The following MAP3K13 variants were observed in gnomAD, a reference collection of about 807,000 sequenced individuals.
The protein encoded by MAP3K13 is leucine zipper-bearing kinase.
Under a neutral mutation model 104.0 loss-of-function variants are expected in MAP3K13, and 52 were observed. That is an observed-to-expected ratio of 0.50 (90% CI 0.40 to 0.63). MAP3K13 has a LOEUF of 0.63. Among genes scored for constraint, MAP3K13 ranks in the 20% least tolerant of loss-of-function variants. The pLI is 0.00. For synonymous variants in MAP3K13, 394 were observed against 442.2 expected (o/e 0.89, Z 1.37); for missense variants, 914 against 1,218.5 (o/e 0.75, Z 3.72).
chr3:185,408,147 G>GA (rs1198773641), intron 1 of MAP3K13, among the ~76,000 whole-genome samples: 2 of 151,962 alleles, frequency 1.3e-5, no homozygotes, highest in South Asian at 2.1e-4. Flanking sequence ...AGTTTTACAG[G>GA]AAAAAAATCA....
rs144745393 is a variant in MAP3K13 at position 185,488,242 on chromosome 3, T to C, written c.*5786T>C. On this transcript the variant is annotated 3_prime_UTR_variant, in exon 14 of 14. Transcript: ENST00000265026. ...GTACGGTCAGTATGAATTTAGTGCCTTTCCAGGCAGCAAAATGTTTCTTCT... is the reference window on the plus strand; with the variant it reads ...GTACGGTCAGTATGAATTTAGTGCCCTTCCAGGCAGCAAAATGTTTCTTCT... The C allele has an allele frequency of 3.7e-4, 56 of 152,338 alleles. No homozygotes were observed. Among genetic ancestry groups the C allele is most frequent in the African/African-American group, 1.3e-3 (52 of 41,578 alleles). 9.4% of individuals were successfully genotyped at this position (152,338 alleles called of 1,614,324 possible).
At chr3:185,296,004 G>A (rs1001137294) in intron 2 of MAP3K13, among the ~76,000 whole-genome samples, 9 of 152,186 alleles carry the variant, frequency 5.9e-5, no homozygotes, top group African/African-American at 2.2e-4. Context: ...CACTTTCGGA[G>A]GCCAAGGCAG....
chr3:185,382,070 T>C (rs1724750476), intron 1 of MAP3K13, among the ~76,000 whole-genome samples: 2 of 152,174 alleles, frequency 1.3e-5, no homozygotes, highest in Admixed American at 6.5e-5. Flanking sequence ...TCCCCCCTTA[T>C]CCATAGGGGA....
chr3:185,356,716 G>T (rs1436777561), intron 2 of MAP3K13, among the ~76,000 whole-genome samples: 2 of 152,098 alleles, frequency 1.3e-5, no homozygotes, highest in Admixed American at 6.5e-5. Context: ...TAATTATTAC[G>T]ACCAGGGAGT....
At chr3:185,297,511 G>T (rs1047086460) in intron 2 of MAP3K13, among the ~76,000 whole-genome samples, 1 of 152,134 alleles carries the variant, frequency 6.6e-6, no homozygotes, top group Non-Finnish European at 1.5e-5. Flanking sequence ...AAGGCAGGCA[G>T]ATCACCTGAG....
intron 2 of MAP3K13, among the ~76,000 whole-genome samples, chr3:185,344,595 C>T (rs1189783221): frequency 4.6e-5 from 7 of 152,292 alleles, no homozygotes; most frequent in South Asian, 4.1e-4. Context: ...TAATCACTTC[C>T]GCCCCCCTTA....
At chr3:185,464,086 C>A (rs931844983) in intron 8 of MAP3K13, among the ~76,000 whole-genome samples, 1 of 152,172 alleles carries the variant, frequency 6.6e-6, no homozygotes, top group Non-Finnish European at 1.5e-5. Flanking sequence ...GAGTTTGAGA[C>A]CAGCCCGCCC....
At chr3:185,470,320 T>A (rs1001968805) in intron 10 of MAP3K13, among the ~76,000 whole-genome samples, 1 of 152,184 alleles carries the variant, frequency 6.6e-6, no homozygotes, top group Admixed American at 6.5e-5. Flanking sequence ...GTTCATCAGT[T>A]TAGAAACCAT....
chr3:185,389,545 G>A (rs1321181983), intron 1 of MAP3K13, among the ~76,000 whole-genome samples: 1 of 151,316 alleles, frequency 6.6e-6, no homozygotes, highest in Non-Finnish European at 1.5e-5. Flanking sequence ...TGATACCTGG[G>A]GGAAATTTTT....
At chr3:185,406,741 AT>A (rs554505536) in intron 1 of MAP3K13, among the ~76,000 whole-genome samples, 210 of 152,246 alleles carry the variant, frequency 1.4e-3, no homozygotes, top group Non-Finnish European at 2.7e-3. Flanking sequence ...GGATTTTGTG[AT>A]TTTTCCCATA....
chr3:185,428,914 C>A lies in MAP3K13; in HGVS notation c.333C>A (p.Ser111Arg), dbSNP rs3732577. ...ACACGGTGGACGGAGAGAGCACAAG[C>A]GGAACTGAAGACATAAAGATTCAGT... is the stretch of plus-strand genomic sequence containing the variant. ...NSNTVDGEST[S>R]GTEDIKIQFS... Residue 111 changes from serine to arginine, a missense_variant, in exon 2 of 14, where the codon AGC becomes AGA. Ser to Arg is a moderately radical substitution (Grantham distance 110). Transcript: ENST00000265026. The A allele has an allele frequency of 1.2e-6, 2 of 1,613,930 alleles. No homozygotes were observed. Among genetic ancestry groups the A allele is most frequent in the Non-Finnish European group, 1.7e-6 (2 of 1,179,994 alleles).
chr3:185,404,417 C>T (rs1274743506), intron 1 of MAP3K13, among the ~76,000 whole-genome samples: 1 of 152,092 alleles, frequency 6.6e-6, no homozygotes. Context: ...ATTCTGGGGG[C>T]AAATTGATGG....
At chr3:185,400,322 T>C (rs561085627) in intron 1 of MAP3K13, among the ~76,000 whole-genome samples, 187 of 152,342 alleles carry the variant, frequency 1.2e-3, no homozygotes, top group African/African-American at 4.4e-3. Context: ...TGGGGATTTT[T>C]CCCTTCTTTG....
chr3:185,458,118 C>T (rs1237095422), intron 7 of MAP3K13, among the ~76,000 whole-genome samples: 1 of 152,068 alleles, frequency 6.6e-6, no homozygotes, highest in African/African-American at 2.4e-5. Flanking sequence ...CCTGTAATCC[C>T]AGCACTTTGG....
In MAP3K13 at chr3:185,447,650, C is replaced by A. The variant is rs1715667434; in HGVS notation, c.852-139C>A. The stretch of plus-strand genomic sequence containing the variant: ...TGCTATTTCTAGTGTATAGCCAATG[C>A]CCCAGTGACATTGGAAACTGCAAGC... On this transcript the variant is annotated intron_variant, in intron 4 of 13. Coordinates refer to ENST00000265026, the MANE Select transcript of MAP3K13 (RefSeq NM_004721.5). 1.3e-5 allele frequency: 8 copies of A among 622,818 alleles called. No homozygotes were observed. In the East Asian group the frequency reaches 2.0e-4, roughly 15 times the overall value. The allele number at this position is 622,818 out of a possible 1,614,324, so 38.6% of individuals were successfully genotyped here. A position where few individuals can be genotyped will look rare whatever the true frequency, so the allele number is the denominator to read the frequency against.
At chr3:185,442,255 C>T (rs975979409) in intron 3 of MAP3K13, among the ~76,000 whole-genome samples, 19 of 151,512 alleles carry the variant, frequency 1.3e-4, no homozygotes, top group African/African-American at 4.6e-4. Context: ...TGGGTGTTCC[C>T]ACTCACGGGT....
intron 1 of MAP3K13, among the ~76,000 whole-genome samples, chr3:185,379,532 T>C (rs7429674): frequency 0.25 from 38,753 of 151,974 alleles, 5,098 homozygotes; most frequent in Admixed American, 0.3. Flanking sequence ...GATCTCTTCA[T>C]GGAGTGAGGG....
chr3:185,387,669 C>G (rs1711777457), intron 1 of MAP3K13, among the ~76,000 whole-genome samples: 1 of 151,972 alleles, frequency 6.6e-6, no homozygotes, highest in Non-Finnish European at 1.5e-5. Flanking sequence ...AGGATCATAC[C>G]TCAACATAAT....
At chr3:185,422,134 G>A (rs1714167964) in intron 1 of MAP3K13, among the ~76,000 whole-genome samples, 1 of 152,198 alleles carries the variant, frequency 6.6e-6, no homozygotes, top group African/African-American at 2.4e-5. Flanking sequence ...CGCTAGGTAG[G>A]CACTAGTGTT....
Sources: gnomAD v4.1 joint callset for allele counts (sites outside exome capture counted in the v4.1 genomes callset) on GRCh38, gnomAD v4.1.1 for gene constraint, MANE v1.5 for transcripts, NCBI Gene and HGNC (gene_info 2026-07-23, HGNC 2026-07-21) for gene names.